FASTKD1: variants seen among roughly 807,000 people sequenced by gnomAD.
FASTKD1 encodes the protein FAST kinase domain-containing protein 1, mitochondrial.
A neutral mutation model predicts 90.9 loss-of-function variants in FASTKD1; 94 were observed. The ratio of observed to expected loss-of-function variants is 1.03; its 90% CI spans 0.88 to 1.23. The LOEUF is 1.23. FASTKD1 is among the 50% of genes most tolerant of loss of function. The probability of loss-of-function intolerance (pLI) is 0.00; values close to 1 mark genes in which losing one functional copy is unlikely to be tolerated. For synonymous variants in FASTKD1, 319 were observed against 345.8 expected (o/e 0.92, Z 0.86); for missense variants, 945 against 993.5 (o/e 0.95, Z 0.66).
At chr2:169,536,693 G>A (rs1237562135) in intron 12 of FASTKD1, among the ~76,000 whole-genome samples, 1 of 152,040 alleles carries the variant, frequency 6.6e-6, no homozygotes. Context: ...TGCCATCAAC[G>A]TAAGCTAGTC....
intron 3 of FASTKD1, among the ~76,000 whole-genome samples, chr2:169,563,567 A>T (rs1035846912): frequency 6.6e-6 from 1 of 152,134 alleles, no homozygotes; most frequent in Non-Finnish European, 1.5e-5. Context: ...TATTTGAATG[A>T]TTTACTTAAT....
chr2:169,557,512 A>T (rs1235593277), intron 5 of FASTKD1, among the ~76,000 whole-genome samples: 1 of 152,208 alleles, frequency 6.6e-6, no homozygotes, highest in South Asian at 2.1e-4. Flanking sequence ...TTCAGGCCTC[A>T]TTATAATCCA....
rs199650017 is a variant in FASTKD1 at position 169,564,675 on chromosome 2, A to AT, written c.447-1326dup. Among the ~76,000 whole-genome samples, 1,258 of 151,092 alleles carry AT rather than the reference A, an allele frequency of 8.3e-3. 7 individuals are homozygous for AT. The highest frequency in any genetic ancestry group is 0.013 in the Non-Finnish European group (854 of 67,734). ...TCAAATAGTAGGTCTTATTCATTTT[A>AT]TTTTTTTTTACCCATTAACCATCCC... On this transcript the variant is annotated intron_variant, in intron 3 of 14. Transcript: ENST00000453153.
At position 169,572,019 on chromosome 2, in the gene FASTKD1, G is replaced by T. The variant is rs1684258806; in HGVS notation, c.11C>A (p.Thr4Lys). 1.3e-6 allele frequency: 2 copies of T among 1,565,868 alleles called. No individual in the cohort carries two copies. Among genetic ancestry groups the T allele is most frequent in the Non-Finnish European group, 1.7e-6 (2 of 1,156,630 alleles). Residue 4 changes from threonine to lysine, a missense_variant, in exon 2 of 15, where the codon ACA (threonine) becomes AAA (lysine). Physicochemically the swap from Thr to Lys is moderately conservative, Grantham distance 78. Transcript: ENST00000453153. MKK[T>K]PVFLESLVTN... The stretch of plus-strand genomic sequence containing the variant: ...AACCAATGACTCTAGGAAAACAGGT[G>T]TTTTTTTCATTTATATCACAAGTTT...
Position 169,530,517 on chromosome 2 carries a change from T to C in FASTKD1, c.2442+70A>G, listed in dbSNP as rs999967059. 3.6e-6 allele frequency: 3 copies of C among 828,504 alleles called. No individual in the cohort carries two copies. The African/African-American group carries it at 5.3e-5, about 15-fold the overall frequency. The allele number at this position is 828,504 out of a possible 1,614,324, so 51.3% of individuals were successfully genotyped here. A position where few individuals can be genotyped will look rare whatever the true frequency, so the allele number is the denominator to read the frequency against. ...AAAGGTAATTCTGGAACTTTCACAT[T>C]AAAAGGAAGCACATGTACAGCTAGT... On this transcript the variant is annotated intron_variant, in intron 14 of 14. Transcript: ENST00000453153.
At chr2:169,566,053 G>A (rs957569645) in intron 3 of FASTKD1, among the ~76,000 whole-genome samples, 2 of 151,998 alleles carry the variant, frequency 1.3e-5, no homozygotes, top group African/African-American at 4.8e-5. Flanking sequence ...AGAGTTGTTT[G>A]AGCTCCTTAT....
chr2:169,530,487 T>C, intron 14 of FASTKD1, 100 bp downstream of exon 14: 5 of 693,972 alleles, frequency 7.2e-6, no homozygotes, highest in Non-Finnish European at 1.2e-5. Context: ...AAAAAATATA[T>C]TTAAAAAGGT....
chr2:169,557,579 C>T (rs1031883294), intron 5 of FASTKD1, among the ~76,000 whole-genome samples: 1 of 152,036 alleles, frequency 6.6e-6, no homozygotes, highest in Non-Finnish European at 1.5e-5. Flanking sequence ...TCAAATAATA[C>T]AAGGTTATAA....
chr2:169,571,221 A>T (rs1028770450), intron 2 of FASTKD1: 30 of 152,688 alleles, frequency 2.0e-4, no homozygotes, highest in Non-Finnish European at 4.4e-4. Context: ...AAACAAAAAA[A>T]TTAGATTATC....
intron 14 of FASTKD1, 27 bp from the exon 15 acceptor site, chr2:169,529,953 G>GA (rs889194365): frequency 6.6e-7 from 1 of 1,523,454 alleles, no homozygotes; most frequent in African/African-American, 1.4e-5. Context: ...TTGTTTGAAT[G>GA]AAAGTTTTAA....
intron 9 of FASTKD1, among the ~76,000 whole-genome samples, chr2:169,542,069 C>T (rs1684981355): frequency 6.6e-6 from 1 of 152,160 alleles, no homozygotes; most frequent in Non-Finnish European, 1.5e-5. Context: ...CAAAATAGCA[C>T]TCCATCTCAC....
intron 9 of FASTKD1, 106 bp from the exon 10 acceptor site, chr2:169,540,285 T>C: frequency 9.1e-7 from 1 of 1,098,308 alleles, no homozygotes; most frequent in East Asian, 2.7e-5. Flanking sequence ...ATACACAGCC[T>C]TGACAAAACT....
intron 12 of FASTKD1, among the ~76,000 whole-genome samples, chr2:169,536,004 A>C (rs559098196): frequency 6.6e-5 from 10 of 151,804 alleles, no homozygotes; most frequent in African/African-American, 2.4e-4. Context: ...GGCTGGGCAC[A>C]GTGGCTCACA....
At chr2:169,537,036 G>T (rs574997030) in intron 12 of FASTKD1, 191 bp downstream of exon 12, 25 of 329,956 alleles carry the variant, frequency 7.6e-5, no homozygotes, top group African/African-American at 3.0e-4. Flanking sequence ...AACGCTCTTG[G>T]TTATCAACAC....
chr2:169,554,278 TAAAAAAAAAAAAAAAAAAA>T (rs58641456), intron 7 of FASTKD1, among the ~76,000 whole-genome samples: 3 of 29,782 alleles, frequency 1.0e-4, no homozygotes, highest in African/African-American at 1.7e-4. Context: ...ACCCTGTCTC[TAAAAAAAAAAAAAAAAAAA>T]AAAAAAAAAA....
At chr2:169,567,816 CCT>C (rs1291113754) in intron 3 of FASTKD1, among the ~76,000 whole-genome samples, 5 of 152,022 alleles carry the variant, frequency 3.3e-5, no homozygotes, top group Non-Finnish European at 5.9e-5. Context: ...TCTTCCTCAC[CCT>C]GATTTTTTTC....
At chr2:169,534,025 G>T (rs1684608822) in intron 12 of FASTKD1, among the ~76,000 whole-genome samples, 2 of 151,682 alleles carry the variant, frequency 1.3e-5, no homozygotes, top group South Asian at 4.2e-4. Flanking sequence ...ACAAAAATTA[G>T]CCTGGTGTGG....
intron 13 of FASTKD1, 82 bp downstream of exon 13, chr2:169,531,270 A>G: frequency 7.1e-7 from 1 of 1,414,430 alleles, no homozygotes; most frequent in Non-Finnish European, 1.0e-6. Flanking sequence ...ACTACCTTCA[A>G]TCCTTGATCA....
chr2:169,559,844 T>C (rs898894805), intron 5 of FASTKD1, among the ~76,000 whole-genome samples: 1 of 152,230 alleles, frequency 6.6e-6, no homozygotes, highest in African/African-American at 2.4e-5. Context: ...AATTTAATAT[T>C]TGCTCATCAT....
Sources: allele counts gnomAD v4.1 joint callset (sites outside exome capture counted in the v4.1 genomes callset), GRCh38; gene constraint gnomAD v4.1.1; transcripts MANE v1.5; gene names NCBI Gene and HGNC (gene_info 2026-07-23, HGNC 2026-07-21).